RANBP1: variants seen among roughly 807,000 people sequenced by gnomAD.
RANBP1 encodes ran-specific GTPase-activating protein.
A neutral mutation model predicts 31.4 loss-of-function variants in RANBP1; 16 were observed. That is an observed-to-expected ratio of 0.51 (90% CI 0.34 to 0.77). The LOEUF is 0.77. RANBP1 is among the 30% of genes least tolerant of loss of function. The pLI, the probability that RANBP1 is intolerant of heterozygous loss-of-function variation, is 0.01. For synonymous variants in RANBP1, 129 were observed against 140.5 expected, an observed-to-expected ratio of 0.92 and a Z score of 0.58; for missense variants, 265 against 362.0, an observed-to-expected ratio of 0.73 and a Z score of 2.17.
intron 1 of RANBP1, chr22:20,118,222 C>T (rs2050090549): frequency 1.0e-6 from 1 of 1,002,376 alleles, no homozygotes; most frequent in Admixed American, 6.1e-5. Context: ...CTGTGGGGAA[C>T]AGTGAAGAGC....
At position 20,116,305 on chromosome 22, in the gene RANBP1, C is replaced by G. The variant is rs776835643; in HGVS notation, c.121C>G (p.Gln41Glu). Residue 41 changes from glutamine to glutamate, a missense_variant, in exon 1 of 6, where the codon CAG becomes GAG. Physicochemically the swap from Gln to Glu is conservative, Grantham distance 29. Coordinates refer to ENST00000430524, the MANE Select transcript of RANBP1 (RefSeq NM_001278639.2). ...AGCGCTGCGGAATGTCACAAAGGCG[C>G]AGGGTGGTTGCCCAAAGAGTTTGGT... ...SAALRNVTKA[Q>E]GGCPKSLVLW... 6.2e-7 allele frequency: 1 copy of G among 1,612,972 alleles called. No individual in the cohort carries two copies. The highest frequency in any genetic ancestry group is 1.1e-5 in the South Asian group (1 of 91,090).
At position 20,117,791 on chromosome 22, in the gene RANBP1, C is replaced by T. The variant is rs1357142480; in HGVS notation, c.247-1222C>T. ...CCTGCAGGCTCGGCCGTCTGCTGGG[C>T]CTCGGTGGCGCGGAGTCGGGGCGCG... is the stretch of plus-strand genomic sequence containing the variant. On this transcript the variant is annotated intron_variant, in intron 1 of 5. Coordinates refer to ENST00000430524, the MANE Select transcript of RANBP1 (RefSeq NM_001278639.2). 38 of 1,039,774 alleles carry T rather than the reference C, an allele frequency of 3.7e-5. No homozygotes were observed. The East Asian group carries it at 1.2e-3, about 33-fold the overall frequency. The allele number at this position is 1,039,774 out of a possible 1,614,324, so 64.4% of individuals were successfully genotyped here. A position where few individuals can be genotyped will look rare whatever the true frequency, so the allele number is the denominator to read the frequency against.
intron 3 of RANBP1, chr22:20,124,787 C>G (rs1231217972): frequency 6.2e-6 from 1 of 161,142 alleles, no homozygotes; most frequent in African/African-American, 2.4e-5. Flanking sequence ...TGCTGCCCCC[C>G]ACTTTCAGAT....
At position 20,117,309 on chromosome 22, in the gene RANBP1, C is replaced by T. The variant is rs1051389899; in HGVS notation, c.246+879C>T. ...AGCCAGCTCTAGAGGCGCGCGTGGC[C>T]GGGACGGAAGTGCGCGCGGGTGTCG... is the stretch of plus-strand genomic sequence containing the variant. On this transcript the variant is annotated intron_variant, in intron 1 of 5. Coordinates refer to ENST00000430524, the MANE Select transcript of RANBP1 (RefSeq NM_001278639.2). 7 of 963,262 alleles carry T rather than the reference C, an allele frequency of 7.3e-6. No homozygotes were observed. In the East Asian group the frequency reaches 2.4e-4, roughly 33 times the overall value. The allele number at this position is 963,262 out of a possible 1,614,324, so 59.7% of individuals were successfully genotyped here.
chr22:20,116,790 C>G, intron 1 of RANBP1: 1 of 1,463,498 alleles, frequency 6.8e-7, no homozygotes, highest in Admixed American at 2.0e-5. Context: ...TCGCACCTGC[C>G]TCGTCCCCAC....
At chr22:20,117,079 G>C (rs1349317877) in intron 1 of RANBP1, 2 of 853,814 alleles carry the variant, frequency 2.3e-6, no homozygotes, top group African/African-American at 1.7e-5. Flanking sequence ...TTCGCCCCAG[G>C]CGGGGCGGGA....
intron 4 of RANBP1, chr22:20,125,736 C>A: frequency 8.8e-7 from 1 of 1,133,344 alleles, no homozygotes; most frequent in Non-Finnish European, 1.1e-6. Flanking sequence ...TTAGTTGTTG[C>A]GGAGCCTGAG....
intron 3 of RANBP1, 26 bp downstream of exon 3, chr22:20,122,447 A>C: frequency 6.2e-7 from 1 of 1,611,192 alleles, no homozygotes; most frequent in Non-Finnish European, 8.5e-7. Flanking sequence ...GACCACCTCG[A>C]CAGTCCCCAG....
At chr22:20,124,126 C>G (rs2050246657) in intron 3 of RANBP1, 1 of 152,704 alleles carries the variant, frequency 6.5e-6, no homozygotes, top group African/African-American at 2.4e-5. Context: ...CTGGCTGGTC[C>G]TCCTCCTCGA....
intron 1 of RANBP1, chr22:20,116,958 C>A (rs758425793): frequency 1.3e-6 from 2 of 1,566,238 alleles, no homozygotes; most frequent in Middle Eastern, 1.7e-4. Flanking sequence ...GCCGCCTGGC[C>A]ACCTCGTCCT....
At chr22:20,119,401 C>T in intron 2 of RANBP1, 1 of 455,440 alleles carries the variant, frequency 2.2e-6, no homozygotes, top group East Asian at 3.9e-5. Context: ...CATGGCGGCC[C>T]CACTGCCCTT....
At position 20,119,564 on chromosome 22, in the gene RANBP1, G is replaced by C. The variant is rs1056186666; in HGVS notation, c.383+415G>C. On this transcript the variant is annotated intron_variant, in intron 2 of 5. Coordinates refer to ENST00000430524, the MANE Select transcript of RANBP1 (RefSeq NM_001278639.2). ...TTGTTTTGAGATGGAGTCTCGCTCT[G>C]TCGCCCAGGCTGGAGTGCAGTGGTG... The C allele has an allele frequency of 1.6e-4, 30 of 187,974 alleles. 1 individual carries two copies. The highest frequency in any genetic ancestry group is 2.6e-4 in the Non-Finnish European group (23 of 89,144). The allele number at this position is 187,974 out of a possible 1,614,324, so 11.6% of individuals were successfully genotyped here.
intron 1 of RANBP1, chr22:20,116,879 C>A (rs377249977): frequency 3.2e-5 from 52 of 1,604,222 alleles, no homozygotes; most frequent in Non-Finnish European, 4.3e-5. Flanking sequence ...TCCCCGCACT[C>A]TACCTCGTTG....
At chr22:20,119,474 T>C (rs912656178) in intron 2 of RANBP1, 2 of 303,332 alleles carry the variant, frequency 6.6e-6, no homozygotes, top group Admixed American at 4.8e-5. Context: ...TTTAAGTTTT[T>C]GCAGCATAGA....
intron 3 of RANBP1, 180 bp from the exon 4 acceptor site, chr22:20,125,128 T>G: frequency 3.1e-6 from 2 of 648,848 alleles, no homozygotes; most frequent in Admixed American, 3.0e-5. Context: ...TTCAAAGAGG[T>G]TTGAATAAAA....
At chr22:20,117,927 G>T in intron 1 of RANBP1, 1 of 1,013,776 alleles carries the variant, frequency 9.9e-7, no homozygotes, top group Non-Finnish European at 1.2e-6. Flanking sequence ...GTTGGGGAGC[G>T]GCCGTCGCCA....
intron 1 of RANBP1, chr22:20,118,048 G>C: frequency 2.0e-6 from 2 of 993,748 alleles, no homozygotes; most frequent in Non-Finnish European, 2.4e-6. Flanking sequence ...CGTCGCCCAC[G>C]CAGCACTTCA....
chr22:20,126,712 GATGT>G, intron 5 of RANBP1: 2 of 1,477,290 alleles, frequency 1.4e-6, no homozygotes, highest in Non-Finnish European at 1.8e-6. Context: ...CAAGTGACCA[GATGT>G]CACTGAGCAG....
At chr22:20,121,490 C>T (rs1377601510) in intron 2 of RANBP1, among the ~76,000 whole-genome samples, 1 of 152,144 alleles carries the variant, frequency 6.6e-6, no homozygotes, top group Non-Finnish European at 1.5e-5. Context: ...GTCAGGTGAT[C>T]CACCCACCTC....
Sources: gnomAD v4.1 joint callset for allele counts (sites outside exome capture counted in the v4.1 genomes callset) on GRCh38, gnomAD v4.1.1 for gene constraint, MANE v1.5 for transcripts, NCBI Gene and HGNC (gene_info 2026-07-23, HGNC 2026-07-21) for gene names.